The following CSNK2A2IP variants were observed in gnomAD, a reference collection of about 807,000 sequenced individuals.
The protein encoded by CSNK2A2IP is casein kinase II subunit alpha'-interacting protein.
At chr3:88,347,578 G>C in the CSNK2A2IP span, among the ~76,000 whole-genome samples, 1 of 152,028 alleles carries the variant, frequency 6.6e-6, no homozygotes, top group Non-Finnish European at 1.5e-5. Context: ...TTAGATGAAA[G>C]TATGTACACT....
the CSNK2A2IP span, chr3:88,465,878 A>C: frequency 4.9e-6 from 6 of 1,231,692 alleles, no homozygotes; most frequent in East Asian, 1.3e-4. Flanking sequence ...CTTTCATTGA[A>C]GTCTCATCAA....
the CSNK2A2IP span, among the ~76,000 whole-genome samples, chr3:88,457,082 T>A: frequency 1.3e-5 from 2 of 151,406 alleles, no homozygotes; most frequent in African/African-American, 4.9e-5. Flanking sequence ...CATTTTACCA[T>A]TCTTTTTCTA....
At chr3:88,341,438 T>A in the CSNK2A2IP span, among the ~76,000 whole-genome samples, 23 of 151,776 alleles carry the variant, frequency 1.5e-4, no homozygotes, top group African/African-American at 5.6e-4. Flanking sequence ...GAATTCTTGT[T>A]CTAAAATGTG....
At chr3:88,434,823 A>G in the CSNK2A2IP span, among the ~76,000 whole-genome samples, 21 of 152,310 alleles carry the variant, frequency 1.4e-4, no homozygotes, top group African/African-American at 4.1e-4. Context: ...CATCCATACT[A>G]GCTCTTGGAA....
the CSNK2A2IP span, among the ~76,000 whole-genome samples, chr3:88,344,737 T>C: frequency 6.6e-6 from 1 of 151,904 alleles, no homozygotes; most frequent in Admixed American, 6.6e-5. Context: ...AATAAACTAA[T>C]AATAAAGGGA....
At chr3:88,388,893 G>T in the CSNK2A2IP span, among the ~76,000 whole-genome samples, 4 of 151,806 alleles carry the variant, frequency 2.6e-5, no homozygotes, top group Non-Finnish European at 4.4e-5. Context: ...CCAAATAATA[G>T]CACCAATTGA....
At chr3:88,407,003 T>A in the CSNK2A2IP span, among the ~76,000 whole-genome samples, 1 of 152,152 alleles carries the variant, frequency 6.6e-6, no homozygotes, top group Admixed American at 6.5e-5. Flanking sequence ...CAATTGCTTT[T>A]TGTAGCATGT....
chr3:88,345,480 C>A, the CSNK2A2IP span, among the ~76,000 whole-genome samples: 1 of 151,962 alleles, frequency 6.6e-6, no homozygotes, highest in Admixed American at 6.6e-5. Flanking sequence ...ATTGAGAAGT[C>A]TATCAGTGCC....
At chr3:88,417,127 C>G in the CSNK2A2IP span, among the ~76,000 whole-genome samples, 1 of 151,172 alleles carries the variant, frequency 6.6e-6, no homozygotes, top group Admixed American at 6.6e-5. Flanking sequence ...CTAAAATGTC[C>G]TGCTTTTAGT....
chr3:88,355,153 C>A, the CSNK2A2IP span, among the ~76,000 whole-genome samples: 1 of 152,080 alleles, frequency 6.6e-6, no homozygotes, highest in East Asian at 1.9e-4. Flanking sequence ...CATGGAAGAA[C>A]TTAAGACTGG....
chr3:88,341,535 G>T, the CSNK2A2IP span, among the ~76,000 whole-genome samples: 1 of 151,568 alleles, frequency 6.6e-6, no homozygotes, highest in African/African-American at 2.4e-5. Flanking sequence ...ATGAAGACAA[G>T]AATAATTATG....
the CSNK2A2IP span, among the ~76,000 whole-genome samples, chr3:88,391,335 T>C: frequency 0.011 from 1,638 of 152,306 alleles, 41 homozygotes; most frequent in African/African-American, 0.038. Context: ...CTGCAACAAA[T>C]ATTAACAACC....
the CSNK2A2IP span, among the ~76,000 whole-genome samples, chr3:88,451,731 C>CTCTT: frequency 5.6e-5 from 8 of 143,440 alleles, no homozygotes; most frequent in African/African-American, 1.8e-4. Context: ...ATCTCTCTCT[C>CTCTT]TTTTTTTTTT....
the CSNK2A2IP span, among the ~76,000 whole-genome samples, chr3:88,348,695 A>G: frequency 6.6e-6 from 1 of 152,128 alleles, no homozygotes; most frequent in East Asian, 1.9e-4. Flanking sequence ...TTAATCAATA[A>G]GTGGCCAGAA....
the CSNK2A2IP span, among the ~76,000 whole-genome samples, chr3:88,434,807 T>C: frequency 6.6e-6 from 1 of 152,176 alleles, no homozygotes; most frequent in Non-Finnish European, 1.5e-5. Flanking sequence ...TGATAATTAC[T>C]TTGATCATCC....
chr3:88,427,156 C>T, the CSNK2A2IP span, among the ~76,000 whole-genome samples: 1 of 152,014 alleles, frequency 6.6e-6, no homozygotes, highest in African/African-American at 2.4e-5. Context: ...CTGAGGTGGT[C>T]TCAGATGGAG....
the CSNK2A2IP span, among the ~76,000 whole-genome samples, chr3:88,355,590 T>C: frequency 6.6e-6 from 1 of 152,190 alleles, no homozygotes; most frequent in African/African-American, 2.4e-5. Flanking sequence ...TTCAAAATTG[T>C]TTTTATTCAG....
the CSNK2A2IP span, among the ~76,000 whole-genome samples, chr3:88,344,178 T>C: frequency 6.6e-6 from 1 of 151,958 alleles, no homozygotes; most frequent in Non-Finnish European, 1.5e-5. Context: ...AGCTGTTAAC[T>C]ATCTGTAGAG....
chr3:88,405,998 T>G, the CSNK2A2IP span, among the ~76,000 whole-genome samples: 1 of 152,118 alleles, frequency 6.6e-6, no homozygotes, highest in Non-Finnish European at 1.5e-5. Context: ...TGGAGCTATA[T>G]TAGATAATCA....
Sources: allele counts gnomAD v4.1 joint callset (sites outside exome capture counted in the v4.1 genomes callset), GRCh38; gene constraint gnomAD v4.1.1; transcripts MANE v1.5; gene names NCBI Gene and HGNC (gene_info 2026-07-23, HGNC 2026-07-21).